Variants in MAPK10 observed in about 807,000 individuals in gnomAD.
MAPK10 encodes the protein mitogen-activated protein kinase 10.
MAPK10 carries 25 observed loss-of-function variants against 59.3 expected under a neutral mutation model. The ratio of observed to expected loss-of-function variants is 0.42; its 90% CI spans 0.31 to 0.59. MAPK10 has a LOEUF of 0.59. Among genes scored for constraint, MAPK10 ranks in the 20% least tolerant of loss-of-function variants. The probability of loss-of-function intolerance (pLI) is 0.15; values close to 1 mark genes in which losing one functional copy is unlikely to be tolerated. For synonymous variants in MAPK10, 190 were observed against 200.5 expected (o/e 0.95, Z 0.44); for missense variants, 351 against 568.9 (o/e 0.62, Z 3.90).
intron 4 of MAPK10, among the ~76,000 whole-genome samples, chr4:86,115,214 C>T (rs2058118098): frequency 6.6e-6 from 1 of 152,196 alleles, no homozygotes; most frequent in Admixed American, 6.5e-5. Flanking sequence ...CCACAGGATG[C>T]ACAGATCCAT....
intron 1 of MAPK10, among the ~76,000 whole-genome samples, chr4:86,559,059 C>G (rs1349919720): frequency 2.6e-5 from 4 of 152,098 alleles, no homozygotes; most frequent in Non-Finnish European, 5.9e-5. Context: ...TTGCATTATA[C>G]CTCATGTTAA....
chr4:86,345,439 G>A (rs984341648), intron 2 of MAPK10, among the ~76,000 whole-genome samples: 1 of 152,112 alleles, frequency 6.6e-6, no homozygotes, highest in Non-Finnish European at 1.5e-5. Flanking sequence ...GAACTGGTGT[G>A]CACAAATATT....
At chr4:86,413,805 C>A (rs1197910322) in intron 1 of MAPK10, among the ~76,000 whole-genome samples, 1 of 152,174 alleles carries the variant, frequency 6.6e-6, no homozygotes, top group African/African-American at 2.4e-5. Context: ...TGTACCATTT[C>A]TCCAGGTACA....
intron 2 of MAPK10, among the ~76,000 whole-genome samples, chr4:86,239,468 G>A (rs746024529): frequency 1.5e-4 from 23 of 152,088 alleles, no homozygotes; most frequent in South Asian, 6.2e-4. Context: ...CTGTGAATCC[G>A]TCTGGTCCTG....
intron 9 of MAPK10, among the ~76,000 whole-genome samples, chr4:86,074,626 A>G (rs1056385087): frequency 7.4e-6 from 1 of 134,476 alleles, no homozygotes; most frequent in Non-Finnish European, 1.6e-5. Context: ...TTGTCTGTAA[A>G]GTATTTTATT....
chr4:86,546,495 T>G (rs1187875105), intron 1 of MAPK10, among the ~76,000 whole-genome samples: 1 of 150,482 alleles, frequency 6.6e-6, no homozygotes, highest in Non-Finnish European at 1.5e-5. Context: ...AAGCGGAGGT[T>G]GCAGTGAGAC....
At chr4:86,534,638 A>C (rs1758095996) in intron 1 of MAPK10, among the ~76,000 whole-genome samples, 1 of 152,024 alleles carries the variant, frequency 6.6e-6, no homozygotes, top group Admixed American at 6.6e-5. Flanking sequence ...ATGAGTCACT[A>C]CTCACACCTG....
At chr4:86,584,042 T>A (rs1762493528) in intron 1 of MAPK10, among the ~76,000 whole-genome samples, 1 of 152,208 alleles carries the variant, frequency 6.6e-6, no homozygotes, top group South Asian at 2.1e-4. Flanking sequence ...TGTGTGTATG[T>A]CTGTGTGTGT....
intron 2 of MAPK10, among the ~76,000 whole-genome samples, chr4:86,281,338 A>G (rs2094795389): frequency 6.6e-6 from 1 of 151,718 alleles, no homozygotes; most frequent in Admixed American, 6.6e-5. Context: ...ATCTCTACTA[A>G]AACTACAAAA....
At chr4:86,020,951 TTC>T (rs1328243290) in intron 13 of MAPK10, 1 of 152,260 alleles carries the variant, frequency 6.6e-6, no homozygotes, top group Non-Finnish European at 1.5e-5. Context: ...CCTGCTTTTA[TTC>T]TCTTATCTGG....
intron 1 of MAPK10, among the ~76,000 whole-genome samples, chr4:86,450,819 C>A (rs1434926786): frequency 6.6e-6 from 1 of 152,186 alleles, no homozygotes; most frequent in Non-Finnish European, 1.5e-5. Context: ...TGTTGGCTTA[C>A]AAAATAAAAT....
chr4:86,567,372 C>T (rs1023070722), intron 1 of MAPK10, among the ~76,000 whole-genome samples: 5 of 152,032 alleles, frequency 3.3e-5, no homozygotes, highest in East Asian at 1.9e-4. Flanking sequence ...AGGCATGCAC[C>T]ACCACGCTTG....
chr4:86,260,097 C>A (rs567654382), intron 2 of MAPK10, among the ~76,000 whole-genome samples: 5 of 152,120 alleles, frequency 3.3e-5, no homozygotes, highest in Non-Finnish European at 7.4e-5. Flanking sequence ...CTCACAATAA[C>A]CCTATACAAC....
intron 2 of MAPK10, among the ~76,000 whole-genome samples, chr4:86,227,004 G>GA (rs1352339704): frequency 2.6e-5 from 4 of 151,782 alleles, no homozygotes; most frequent in Admixed American, 2.6e-4. Context: ...CTGATTTTTT[G>GA]AAAAAATATG....
At chr4:86,582,517 G>T (rs906921210) in intron 1 of MAPK10, among the ~76,000 whole-genome samples, 1 of 152,012 alleles carries the variant, frequency 6.6e-6, no homozygotes, top group Non-Finnish European at 1.5e-5. Flanking sequence ...TAACTACCTT[G>T]GCTCTTTGCC....
At chr4:86,513,249 TA>T (rs1249755976) in intron 1 of MAPK10, among the ~76,000 whole-genome samples, 1 of 152,076 alleles carries the variant, frequency 6.6e-6, no homozygotes, top group Non-Finnish European at 1.5e-5. Context: ...GATCTCACTA[TA>T]TTGCCCAGGC....
intron 2 of MAPK10, among the ~76,000 whole-genome samples, chr4:86,333,580 C>G (rs566202201): frequency 8.5e-5 from 13 of 152,320 alleles, no homozygotes; most frequent in Admixed American, 6.5e-4. Flanking sequence ...CTCTAAGCAG[C>G]AACAAGGCTG....
At chr4:86,534,644 ACCTGTAAT>A (rs1490301630) in intron 1 of MAPK10, among the ~76,000 whole-genome samples, 6 of 152,246 alleles carry the variant, frequency 3.9e-5, no homozygotes, top group African/African-American at 1.2e-4. Flanking sequence ...CACTACTCAC[ACCTGTAAT>A]CCCAGCACCT....
At chr4:86,447,801 T>C (rs184038720) in intron 1 of MAPK10, among the ~76,000 whole-genome samples, 1 of 152,218 alleles carries the variant, frequency 6.6e-6, no homozygotes, top group African/African-American at 2.4e-5. Context: ...AATACATATA[T>C]GTGTGTATCT....
Sources: gnomAD v4.1 joint callset for allele counts (sites outside exome capture counted in the v4.1 genomes callset) on GRCh38, gnomAD v4.1.1 for gene constraint, MANE v1.5 for transcripts, NCBI Gene and HGNC (gene_info 2026-07-23, HGNC 2026-07-21) for gene names.